ALOX15: variants seen among roughly 807,000 people sequenced by gnomAD.
ALOX15 encodes the protein polyunsaturated fatty acid lipoxygenase ALOX15.
In ALOX15, 68 loss-of-function variants were observed where a neutral mutation model predicts 71.7. The ratio of observed to expected loss-of-function variants is 0.95; its 90% CI spans 0.78 to 1.16. ALOX15 has a LOEUF of 1.16. Ranked by LOEUF, ALOX15 falls within the 50% of genes most tolerant of loss-of-function variation. ALOX15 has a pLI of 0.00. For synonymous variants in ALOX15, 346 were observed against 333.3 expected (o/e 1.04, Z -0.42); for missense variants, 798 against 818.8 (o/e 0.97, Z 0.31).
At position 4,637,220 on chromosome 17, in the gene ALOX15, A is replaced by G. The variant is rs1911128620; in HGVS notation, c.846T>C (p.Asp282=). Residue 282 remains aspartate, a synonymous_variant, in exon 7 of 14, where the codon GAT becomes GAC. Coordinates refer to ENST00000293761, the MANE Select transcript of ALOX15 (RefSeq NM_001140.5). ...TLFEADFSLL[D]GIKANVILCS... ...AGAGAATGACGTTGGCCTTGATCCC[A>G]TCCAGCAGGGAGAAGTCAGCTTCGA... 1.2e-6 allele frequency: 2 copies of G among 1,613,500 alleles called. No individual in the cohort carries two copies. Among genetic ancestry groups the G allele is most frequent in the Non-Finnish European group, 1.7e-6 (2 of 1,179,684 alleles).
chr17:4,636,148 A>C (rs1911088698), intron 7 of ALOX15, among the ~76,000 whole-genome samples, 180 bp from the exon 8 acceptor site: 1 of 152,002 alleles, frequency 6.6e-6, no homozygotes, highest in African/African-American at 2.4e-5. Context: ...CGCTCAGTGC[A>C]TTAGCACCCT....
At position 4,637,131 on chromosome 17, in the gene ALOX15, AAG is replaced by A. The variant is rs1291253241; in HGVS notation, c.933_934del (p.Leu312AlafsTer39). ...TCCTCTCACCTGGATGACCATGGGC[AAG>A]AGTTTCCCATCAGGCTGCAATTTCA... On this transcript the variant is annotated frameshift_variant, in exon 7 of 14. Coordinates refer to ENST00000293761, the MANE Select transcript of ALOX15 (RefSeq NM_001140.5). LOFTEE classifies it high-confidence loss of function. The A allele has an allele frequency of 2.5e-6, 4 of 1,613,018 alleles. No homozygotes were observed. The highest frequency in any genetic ancestry group is 2.5e-6 in the Non-Finnish European group (3 of 1,179,420).
Position 4,631,691 on chromosome 17 carries a change from A to C in ALOX15, c.1898T>G (p.Leu633Arg), listed in dbSNP as rs1214019166. 6.2e-7 allele frequency: 1 copy of C among 1,614,166 alleles called. No homozygotes were observed. The highest frequency in any genetic ancestry group is 1.3e-5 in the African/African-American group (1 of 75,040). Residue 633 changes from leucine to arginine, a missense_variant, in exon 14 of 14, where the codon CTG becomes CGG. Coordinates refer to ENST00000293761, the MANE Select transcript of ALOX15 (RefSeq NM_001140.5). ...LKKFREELAA[L>R]DKEIEIRNAK... The stretch of plus-strand genomic sequence containing the variant: ...ATTCCGGATCTCAATTTCCTTATCC[A>C]GGGCAGCCAGCTCCTCCCTGAACTT...
chr17:4,637,383 G>T, intron 6 of ALOX15, 125 bp from the exon 7 acceptor site: 3 of 1,124,308 alleles, frequency 2.7e-6, no homozygotes, highest in Non-Finnish European at 3.6e-6. Flanking sequence ...CCAGGTAATG[G>T]ATCATGTGCT....
rs750350521 is a variant in ALOX15 at position 4,632,320 on chromosome 17, G to C, written c.1541-39C>G. On this transcript the variant is annotated intron_variant, in intron 11 of 13. Coordinates refer to ENST00000293761, the MANE Select transcript of ALOX15 (RefSeq NM_001140.5). ...AGAGAGTTAGAAGCTGCGAAGGCAG[G>C]AGTAGGGCAGCGCTCAGAGGAAGAG... 4 of 1,547,136 alleles carry C rather than the reference G, an allele frequency of 2.6e-6. No individual in the cohort carries two copies. In the South Asian group the frequency reaches 3.3e-5, roughly 13 times the overall value.
At chr17:4,636,081 C>T in intron 7 of ALOX15, 113 bp from the exon 8 acceptor site, 1 of 1,156,572 alleles carries the variant, frequency 8.6e-7, no homozygotes, top group South Asian at 1.5e-5. Context: ...TTCTGCTTTC[C>T]CCATCTCACT....
At chr17:4,633,039 T>C (rs893845987) in intron 10 of ALOX15, 57 bp from the exon 11 acceptor site, 1 of 1,613,162 alleles carries the variant, frequency 6.2e-7, no homozygotes, top group African/African-American at 1.3e-5. Context: ...CCTGCTCACA[T>C]GGCCAGGTCA....
chr17:4,633,727 C>T (rs927889884), intron 8 of ALOX15, among the ~76,000 whole-genome samples: 1 of 152,312 alleles, frequency 6.6e-6, no homozygotes, highest in Admixed American at 6.5e-5. Context: ...AACACACATG[C>T]TCACGGATGT....
intron 11 of ALOX15, 74 bp from the exon 12 acceptor site, chr17:4,632,355 G>T: frequency 3.3e-6 from 4 of 1,207,604 alleles, no homozygotes; most frequent in Non-Finnish European, 4.9e-6. Context: ...GGCCAAGAGA[G>T]GAGAACAAGG....
At chr17:4,639,876 T>C in intron 1 of ALOX15, 1 of 486,644 alleles carries the variant, frequency 2.1e-6, no homozygotes, top group African/African-American at 2.4e-5. Context: ...CTCCTCCCTG[T>C]GGTCACTGAC....
At position 4,639,672 on chromosome 17, in the gene ALOX15, C is replaced by A. The variant is rs768746506; in HGVS notation, c.136-41G>T. The A allele has an allele frequency of 8.3e-5, 130 of 1,566,088 alleles. 1 individual carries two copies. Among genetic ancestry groups the A allele is most frequent in the Non-Finnish European group, 1.0e-4 (118 of 1,155,030 alleles). On this transcript the variant is annotated intron_variant, in intron 1 of 13. Transcript: ENST00000293761. ...GAGGCTCAGCCCCGGTGGGGCCTGG[C>A]GGGAGGGGCACCCGGCTGAGCCCTG...
intron 1 of ALOX15, 118 bp downstream of exon 1, chr17:4,641,399 C>A (rs565579660): frequency 3.4e-6 from 5 of 1,452,922 alleles, no homozygotes; most frequent in Admixed American, 2.3e-5. Context: ...GAGCCCAATG[C>A]GCGGGCCCTT....
intron 8 of ALOX15, among the ~76,000 whole-genome samples, chr17:4,634,005 GAAC>G (rs1478878164): frequency 6.6e-6 from 1 of 152,116 alleles, no homozygotes; most frequent in Non-Finnish European, 1.5e-5. Flanking sequence ...ACAAATAAGG[GAAC>G]AACAGACACC....
Position 4,633,073 on chromosome 17 carries a change from G to A in ALOX15, c.1418+73C>T, listed in dbSNP as rs976938632. On this transcript the variant is annotated intron_variant, in intron 10 of 13. Transcript: ENST00000293761. ...CAGGGCCCCAGGCCCCCAACCAGAC[G>A]CAGACCTCCTGCTCTCCTACATGTC... 98 of 1,609,070 alleles carry A rather than the reference G, an allele frequency of 6.1e-5. No homozygotes were observed. In the Admixed American group the frequency reaches 9.7e-4, roughly 16 times the overall value.
chr17:4,639,633 T>G lies in ALOX15; in HGVS notation c.136-2A>C, dbSNP rs139396780. 6.2e-7 allele frequency: 1 copy of G among 1,608,618 alleles called. No individual in the cohort carries two copies. Among genetic ancestry groups the G allele is most frequent in the African/African-American group, 1.3e-5 (1 of 74,806 alleles). Reference sequence around the variant, plus strand: ...TACTTCCACCTTGAGTTCTGTCTCCTGCGGGCGACAGAAGAGGCTCAGCCC... The same window carrying G: ...TACTTCCACCTTGAGTTCTGTCTCCGGCGGGCGACAGAAGAGGCTCAGCCC... On this transcript the variant is annotated splice_acceptor_variant, in intron 1 of 13. Coordinates refer to ENST00000293761, the MANE Select transcript of ALOX15 (RefSeq NM_001140.5). LOFTEE classifies it high-confidence loss of function.
At chr17:4,631,860 C>T (rs1423381803) in intron 13 of ALOX15, 29 bp downstream of exon 13, 1 of 1,607,406 alleles carries the variant, frequency 6.2e-7, no homozygotes, top group Non-Finnish European at 8.5e-7. Flanking sequence ...CTGCCTCCTT[C>T]CTTAGGGCCC....
intron 10 of ALOX15, 30 bp downstream of exon 10, chr17:4,633,116 C>T (rs1386309043): frequency 6.2e-7 from 1 of 1,609,236 alleles, no homozygotes; most frequent in South Asian, 1.1e-5. Context: ...CCCCCACTTG[C>T]ACCCCCACTG....
intron 1 of ALOX15, 125 bp downstream of exon 1, chr17:4,641,392 C>A (rs1911323423): frequency 7.1e-6 from 10 of 1,413,630 alleles, no homozygotes; most frequent in Non-Finnish European, 9.5e-6. Flanking sequence ...GCGCTTTGAG[C>A]CCAATGCGCG....
chr17:4,639,089 G>C lies in ALOX15; in HGVS notation c.381C>G (p.His127Gln). The C allele has an allele frequency of 1.2e-6, 2 of 1,614,166 alleles. No individual in the cohort carries two copies. Among genetic ancestry groups the C allele is most frequent in the Non-Finnish European group, 1.7e-6 (2 of 1,180,004 alleles). The change falls in exon 3 of 14, where the codon CAC becomes CAG. Residue 127 changes from histidine to glutamine, a missense_variant. Coordinates refer to ENST00000293761, the MANE Select transcript of ALOX15 (RefSeq NM_001140.5). ...GEDPQGLFQK[H>Q]REEELEERRK... ...TTCTCTCTTCCAGCTCTTCTTCCCG[G>C]TGTTTCTGGAACAGGCCCTGAGGGT...
Sources: allele counts gnomAD v4.1 joint callset (sites outside exome capture counted in the v4.1 genomes callset), GRCh38; gene constraint gnomAD v4.1.1; transcripts MANE v1.5; gene names NCBI Gene and HGNC (gene_info 2026-07-23, HGNC 2026-07-21).